TBATA: variants seen among roughly 807,000 people sequenced by gnomAD.
TBATA encodes protein TBATA.
In TBATA, 47 loss-of-function variants were observed where a neutral mutation model predicts 38.7. The observed-to-expected ratio is 1.21, with a 90% CI of 0.96 to 1.55. TBATA has a LOEUF of 1.55. TBATA is among the 40% of genes most tolerant of loss of function. The pLI, the probability that TBATA is intolerant of heterozygous loss-of-function variation, is 0.00. For synonymous variants in TBATA, 183 were observed against 170.5 expected, an observed-to-expected ratio of 1.07 and a Z score of -0.57; for missense variants, 436 against 435.6, an observed-to-expected ratio of 1.00 and a Z score of -0.01.
At chr10:70,771,856 TCC>T (rs1203259314) in intron 10 of TBATA, among the ~76,000 whole-genome samples, 2 of 152,098 alleles carry the variant, frequency 1.3e-5, no homozygotes, top group Admixed American at 1.3e-4. Flanking sequence ...CTCCTTGGTC[TCC>T]CTCACCCATT....
intron 7 of TBATA, chr10:70,776,518 C>T (rs1339915953): frequency 3.8e-5 from 16 of 418,040 alleles, no homozygotes; most frequent in Admixed American, 3.2e-4. Flanking sequence ...TCTGCTCTAT[C>T]CACTTTGCTG....
intron 3 of TBATA, 139 bp downstream of exon 3, chr10:70,783,200 T>A: frequency 1.0e-6 from 1 of 975,424 alleles, no homozygotes; most frequent in South Asian, 1.5e-5. Context: ...GGGGTCTGGC[T>A]GACCGGCAGC....
intron 9 of TBATA, 117 bp from the exon 10 acceptor site, chr10:70,772,683 C>T: frequency 9.3e-7 from 1 of 1,072,732 alleles, no homozygotes; most frequent in East Asian, 2.4e-5. Context: ...CTGTCTGCTC[C>T]AGGGAGAGGC....
At position 70,775,226 on chromosome 10, in the gene TBATA, G is replaced by A. The variant is rs779201349; in HGVS notation, c.738C>T (p.Ser246=). Residue 246 remains serine, a synonymous_variant, in exon 8 of 11, where the codon AGC becomes AGT. Transcript: ENST00000456372. The part of the protein sequence containing the change: ...LCRILETDLL[S]AIQFWLLYAP... Reference sequence around the variant, plus strand: ...CGTAGAGCAGCCAGAACTGGATTGCGCTTAGCAAGTCTGTTTCCAGGATCC... The same window carrying A: ...CGTAGAGCAGCCAGAACTGGATTGCACTTAGCAAGTCTGTTTCCAGGATCC... The A allele has an allele frequency of 3.1e-6, 5 of 1,614,162 alleles. No individual in the cohort carries two copies. Among genetic ancestry groups the A allele is most frequent in the South Asian group, 2.2e-5 (2 of 91,086 alleles).
At chr10:70,773,915 A>G (rs1352720711) in intron 9 of TBATA, among the ~76,000 whole-genome samples, 1 of 152,238 alleles carries the variant, frequency 6.6e-6, no homozygotes, top group African/African-American at 2.4e-5. Flanking sequence ...CCATAGACCA[A>G]AGAGCTTCTG....
intron 7 of TBATA, chr10:70,776,272 G>T: frequency 2.2e-6 from 1 of 451,520 alleles, no homozygotes; most frequent in Non-Finnish European, 4.5e-6. Flanking sequence ...CCGCTGTGCT[G>T]ACCCACCCTG....
intron 4 of TBATA, among the ~76,000 whole-genome samples, chr10:70,781,486 C>G (rs1271329852): frequency 1.3e-5 from 2 of 152,250 alleles, no homozygotes; most frequent in Non-Finnish European, 2.9e-5. Context: ...GGCTGAGTGG[C>G]TGACATGGCC....
At chr10:70,783,908 A>C (rs1844573081) in intron 2 of TBATA, among the ~76,000 whole-genome samples, 1 of 152,268 alleles carries the variant, frequency 6.6e-6, no homozygotes, top group South Asian at 2.1e-4. Context: ...AATTACTATT[A>C]AATAGGCTGC....
intron 9 of TBATA, among the ~76,000 whole-genome samples, chr10:70,773,820 A>C (rs1843036648): frequency 6.6e-6 from 1 of 152,182 alleles, no homozygotes; most frequent in East Asian, 1.9e-4. Flanking sequence ...TTCGTAATTA[A>C]TCTTTCTCTT....
At chr10:70,784,429 T>C (rs182453135) in intron 2 of TBATA, among the ~76,000 whole-genome samples, 1 of 152,262 alleles carries the variant, frequency 6.6e-6, no homozygotes, top group East Asian at 1.9e-4. Flanking sequence ...TGAATATATA[T>C]ATCTAGCCAA....
At chr10:70,783,915 C>T (rs888258900) in intron 2 of TBATA, among the ~76,000 whole-genome samples, 1 of 152,136 alleles carries the variant, frequency 6.6e-6, no homozygotes, top group African/African-American at 2.4e-5. Context: ...ATTAAATAGG[C>T]TGCAGTAGAA....
chr10:70,782,307 TC>T, intron 3 of TBATA: 3 of 1,476,128 alleles, frequency 2.0e-6, no homozygotes, highest in Non-Finnish European at 2.7e-6. Context: ...CCCAGTTTTT[TC>T]CCAGAGACCA....
chr10:70,776,698 C>T (rs538565054), intron 7 of TBATA, among the ~76,000 whole-genome samples: 10 of 152,278 alleles, frequency 6.6e-5, no homozygotes, highest in African/African-American at 2.4e-4. Context: ...TCTCAGGCCT[C>T]AGTGGGGAAA....
In TBATA at chr10:70,783,503, G is replaced by A; in HGVS notation, c.-124C>T. On this transcript the variant is annotated 5_prime_UTR_variant, in exon 3 of 11. Transcript: ENST00000456372. ...ACAGGAACTCTCACGAACTGGTGGTGGAAGTGTAAACGGGAACAGGCACTT... is the reference window on the plus strand; with the variant it reads ...ACAGGAACTCTCACGAACTGGTGGTAGAAGTGTAAACGGGAACAGGCACTT... 8.5e-7 allele frequency: 1 copy of A among 1,172,358 alleles called. No homozygotes were observed. Among genetic ancestry groups the A allele is most frequent in the Non-Finnish European group, 1.3e-6 (1 of 799,230 alleles). 72.6% of individuals were successfully genotyped at this position (1,172,358 alleles called of 1,614,324 possible).
intron 4 of TBATA, among the ~76,000 whole-genome samples, chr10:70,780,288 C>T (rs1331133102): frequency 2.0e-5 from 3 of 151,938 alleles, no homozygotes; most frequent in Non-Finnish European, 4.4e-5. Context: ...ACCCTTCTGG[C>T]TAACCCTGGG....
chr10:70,783,205 G>T, intron 3 of TBATA, 134 bp downstream of exon 3: 1 of 1,018,964 alleles, frequency 9.8e-7, no homozygotes, highest in Non-Finnish European at 1.5e-6. Context: ...CTGGCTGACC[G>T]GCAGCAGAAG....
At chr10:70,783,883 A>C (rs1001023735) in intron 2 of TBATA, among the ~76,000 whole-genome samples, 2 of 152,254 alleles carry the variant, frequency 1.3e-5, no homozygotes, top group Admixed American at 6.5e-5. Flanking sequence ...TTATTAACTC[A>C]ATTTACTTTT....
rs184980420 is a variant in TBATA, at chr10:70,775,930, G to A, written c.694-660C>T. Among the ~76,000 whole-genome samples the A allele has an allele frequency of 9.1e-4, 139 of 152,282 alleles. 1 individual carries two copies. The highest frequency in any genetic ancestry group is 3.2e-3 in the African/African-American group (131 of 41,552). On this transcript the variant is annotated intron_variant, in intron 7 of 10. Coordinates refer to ENST00000456372, the MANE Select transcript of TBATA (RefSeq NM_001318241.2). ...AGTCTTTGACATCTTTGCTACTTCC[G>A]GGCTCATTTTCCCCTGCGTTCTCCA...
At chr10:70,775,090 G>A in intron 8 of TBATA, 99 bp downstream of exon 8, 1 of 1,168,814 alleles carries the variant, frequency 8.6e-7, no homozygotes, top group Non-Finnish European at 1.2e-6. Flanking sequence ...CCCCCTCCAG[G>A]GTGGGAGCTG....
Sources: gnomAD v4.1 joint callset for allele counts (sites outside exome capture counted in the v4.1 genomes callset) on GRCh38, gnomAD v4.1.1 for gene constraint, MANE v1.5 for transcripts, NCBI Gene and HGNC (gene_info 2026-07-23, HGNC 2026-07-21) for gene names.